Variants in KRT36 observed in about 807,000 individuals in gnomAD.
KRT36 encodes keratin, type I cuticular Ha6.
A neutral mutation model predicts 43.0 loss-of-function variants in KRT36; 41 were observed. That is an observed-to-expected ratio of 0.95 (90% CI 0.74 to 1.24). The LOEUF (loss-of-function observed/expected upper bound fraction) is 1.24, where lower values mean the gene tolerates loss of function less well. Ranked by LOEUF, KRT36 falls within the 50% of genes most tolerant of loss-of-function variation. The pLI, the probability that KRT36 is intolerant of heterozygous loss-of-function variation, is 0.00. For synonymous variants in KRT36, 277 were observed against 252.9 expected, an observed-to-expected ratio of 1.10 and a Z score of -0.90; for missense variants, 627 against 595.3, an observed-to-expected ratio of 1.05 and a Z score of -0.55.
intron 6 of KRT36, 74 bp downstream of exon 6, chr17:41,486,876 A>G: frequency 7.3e-7 from 1 of 1,369,344 alleles, no homozygotes; most frequent in Admixed American, 1.9e-5. Flanking sequence ...GGCGACAACC[A>G]CTTCTGGGCT....
chr17:41,486,655 C>T (rs756637076), intron 6 of KRT36, 84 bp from the exon 7 acceptor site: 11 of 1,127,614 alleles, frequency 9.8e-6, no homozygotes, highest in Non-Finnish European at 1.2e-5. Flanking sequence ...GAGGATCAAG[C>T]GAGACCGGTG....
rs764284774 is a variant in KRT36, at chr17:41,486,408, A to T, written c.1372T>A (p.Ser458Thr). 6.3e-7 allele frequency: 1 copy of T among 1,577,706 alleles called. No homozygotes were observed. The highest frequency in any genetic ancestry group is 8.7e-7 in the Non-Finnish European group (1 of 1,150,768). Residue 458 changes from serine to threonine, a missense_variant, in exon 7 of 7, where the codon TCC becomes ACC. By Grantham distance (58) the Ser-to-Thr change is moderately conservative. Coordinates refer to ENST00000328119, the MANE Select transcript of KRT36 (RefSeq NM_003771.5). ...GGGCGGGACTGCACGTGCTCCCTGG[A>T]GGAGATGACTTTCCCATCTCTGATC... The part of the protein sequence containing the change: ...EEIRDGKVIS[S>T]REHVQSRPL
chr17:41,488,573 AG>A (rs1379372441), intron 2 of KRT36, 68 bp downstream of exon 2: 2 of 1,535,212 alleles, frequency 1.3e-6, no homozygotes, highest in Non-Finnish European at 1.8e-6. Context: ...CCACATCACC[AG>A]CTCCCAAAGG....
chr17:41,486,831 A>AT, intron 6 of KRT36, 119 bp downstream of exon 6: 1 of 917,218 alleles, frequency 1.1e-6, no homozygotes, highest in Non-Finnish European at 1.6e-6. Flanking sequence ...TAAATGGAGA[A>AT]TCTCAAGGGG....
In KRT36 at chr17:41,488,718, G is replaced by GCAGGATCTGGGGAACAAGAGGCTTCC. The variant is rs748404189; in HGVS notation, c.460-20_465dup (p.Leu156GlyfsTer10). The GCAGGATCTGGGGAACAAGAGGCTTCC allele has an allele frequency of 6.2e-7, 1 of 1,614,062 alleles. No individual in the cohort carries two copies. Among genetic ancestry groups the GCAGGATCTGGGGAACAAGAGGCTTCC allele is most frequent in the Non-Finnish European group, 8.5e-7 (1 of 1,179,970 alleles). The stretch of plus-strand genomic sequence containing the variant: ...AGCCTGGCATTCTCAGACTTAGTCA[G>GCAGGATCTGGGGAACAAGAGGCTTCC]CAGGATCTGGGGAACAAGAGGCTTC... On this transcript the variant is annotated frameshift_variant, in exon 2 of 7. Transcript: ENST00000328119. LOFTEE classifies it high-confidence loss of function.
chr17:41,486,397 G>T lies in KRT36; in HGVS notation c.1383C>A (p.His461Gln), dbSNP rs142255355. 1.9e-6 allele frequency: 3 copies of T among 1,613,970 alleles called. No individual in the cohort carries two copies. Among genetic ancestry groups the T allele is most frequent in the South Asian group, 1.1e-5 (1 of 91,076 alleles). ...GCTGTCACAGCGGGCGGGACTGCACGTGCTCCCTGGAGGAGATGACTTTCC... is the reference window on the plus strand; with the variant it reads ...GCTGTCACAGCGGGCGGGACTGCACTTGCTCCCTGGAGGAGATGACTTTCC... ...RDGKVISSRE[H>Q]VQSRPL The change falls in exon 7 of 7, where the codon CAC becomes CAA. Residue 461 changes from histidine to glutamine, a missense_variant. His to Gln is a conservative substitution (Grantham distance 24, BLOSUM62 0). Coordinates refer to ENST00000328119, the MANE Select transcript of KRT36 (RefSeq NM_003771.5).
At chr17:41,489,196 G>A (rs1904491550) in intron 1 of KRT36, among the ~76,000 whole-genome samples, 1 of 152,152 alleles carries the variant, frequency 6.6e-6, no homozygotes, top group South Asian at 2.1e-4. Flanking sequence ...GCAAGGGGAG[G>A]GGGGTGAGGA....
Position 41,487,708 on chromosome 17 carries a change from C to T in KRT36, c.729G>A (p.Gly243=), listed in dbSNP as rs1329450293. 2 of 1,613,710 alleles carry T rather than the reference C, an allele frequency of 1.2e-6. No individual in the cohort carries two copies. Among genetic ancestry groups the T allele is most frequent in the Non-Finnish European group, 1.7e-6 (2 of 1,179,654 alleles). ...EEVSVLRCQL[G]DRLNVEVDAA... is the part of the protein sequence containing the mutation. ...CGTCCACCTCCACATTCAGTCGGTC[C>T]CCAAGTTGGCAACGGAGTACACTGA... Residue 243 remains glycine, a synonymous_variant, in exon 4 of 7, where the codon GGG becomes GGA. Transcript: ENST00000328119.
Position 41,489,418 on chromosome 17 carries a change from A to G in KRT36, c.447T>C (p.Asp149=). The G allele has an allele frequency of 6.2e-7, 1 of 1,613,028 alleles. No homozygotes were observed. Among genetic ancestry groups the G allele is most frequent in the Non-Finnish European group, 8.5e-7 (1 of 1,178,974 alleles). The change falls in exon 1 of 7, where the codon GAT becomes GAC. Residue 149 remains aspartate (D), a synonymous_variant. Transcript: ENST00000328119. ...AGGTCTCCCTCACCTTCTGCTGGAAATCTTCGATGGTCTTGAAGTAGGACT... is the reference window on the plus strand; with the variant it reads ...AGGTCTCCCTCACCTTCTGCTGGAAGTCTTCGATGGTCTTGAAGTAGGACT... ...DYQSYFKTIE[D]FQQKILLTKS...
Position 41,487,385 on chromosome 17 carries a change from G to C in KRT36, c.953C>G (p.Ala318Gly), listed in dbSNP as rs753905566. The C allele has an allele frequency of 1.2e-6, 2 of 1,613,068 alleles. No individual in the cohort carries two copies. Among genetic ancestry groups the C allele is most frequent in the Non-Finnish European group, 1.7e-6 (2 of 1,179,858 alleles). ...CTGAGCCTGCAGCTCAATCTCTAGCGCGTTGACCGTACGTCTCAGCTCGAT... is the reference window on the plus strand; with the variant it reads ...CTGAGCCTGCAGCTCAATCTCTAGCCCGTTGACCGTACGTCTCAGCTCGAT... ...EIIELRRTVN[A>G]LEIELQAQHS... The change falls in exon 5 of 7, where the codon GCG becomes GGG. Residue 318 changes from alanine (A) to glycine (G), a missense_variant. Ala to Gly is a moderately conservative substitution (Grantham distance 60). Coordinates refer to ENST00000328119, the MANE Select transcript of KRT36 (RefSeq NM_003771.5).
At position 41,486,229 on chromosome 17, in the gene KRT36, C is replaced by A; in HGVS notation, c.*147G>T. ...GTAAAAGCACAGTTAAGTCCGGAAA[C>A]ACAATACGGGGAGTGTTTTGGTAGA... On this transcript the variant is annotated 3_prime_UTR_variant, in exon 7 of 7. Transcript: ENST00000328119. 1 of 620,444 alleles carries A rather than the reference C, an allele frequency of 1.6e-6. No individual in the cohort carries two copies. The highest frequency in any genetic ancestry group is 2.9e-5 in the East Asian group (1 of 34,034). The allele number at this position is 620,444 out of a possible 1,614,324, so 38.4% of individuals were successfully genotyped here. A position where few individuals can be genotyped will look rare whatever the true frequency, so the allele number is the denominator to read the frequency against.
chr17:41,489,826 C>T lies in KRT36; in HGVS notation c.39G>A (p.Gly13=), dbSNP rs1209800504. The T allele has an allele frequency of 6.2e-7, 1 of 1,613,466 alleles. No homozygotes were observed. Among genetic ancestry groups the T allele is most frequent in the Admixed American group, 1.7e-5 (1 of 60,000 alleles). The change falls in exon 1 of 7, where the codon GGG becomes GGA. Residue 13 remains glycine, a synonymous_variant. Transcript: ENST00000328119. ...TQTCTPTFST[G]SIKGLCGTAG... Reference sequence around the variant, plus strand: ...CTGTGCCACAGAGGCCCTTGATAGACCCAGTGGAGAAGGTAGGGGTGCAGG... The same window carrying T: ...CTGTGCCACAGAGGCCCTTGATAGATCCAGTGGAGAAGGTAGGGGTGCAGG...
At chr17:41,486,610 G>C in intron 6 of KRT36, 39 bp from the exon 7 acceptor site, 1 of 1,455,494 alleles carries the variant, frequency 6.9e-7, no homozygotes, top group Non-Finnish European at 9.2e-7. Flanking sequence ...TTTGGCATCG[G>C]AGCACTGGGC....
rs771485812 is a variant in KRT36, at chr17:41,489,818, T to C, written c.47A>G (p.Lys16Arg). ...GCCGCCTGCTGTGCCACAGAGGCCCTTGATAGACCCAGTGGAGAAGGTAGG... is the reference window on the plus strand; with the variant it reads ...GCCGCCTGCTGTGCCACAGAGGCCCCTGATAGACCCAGTGGAGAAGGTAGG... ...CTPTFSTGSI[K>R]GLCGTAGGIS... The change falls in exon 1 of 7, where the codon AAG becomes AGG. Residue 16 changes from lysine (K) to arginine (R), a missense_variant. By Grantham distance (26) the Lys-to-Arg change is conservative (BLOSUM62 2). Transcript: ENST00000328119. The C allele has an allele frequency of 1.2e-6, 2 of 1,613,434 alleles. No homozygotes were observed. The highest frequency in any genetic ancestry group is 1.7e-6 in the Non-Finnish European group (2 of 1,179,912).
chr17:41,487,913 G>A (rs941567495), intron 3 of KRT36, among the ~76,000 whole-genome samples, 176 bp from the exon 4 acceptor site: 2 of 152,060 alleles, frequency 1.3e-5, no homozygotes, highest in Non-Finnish European at 2.9e-5. Context: ...TCCTTCTATG[G>A]GATATTTGTG....
At chr17:41,488,574 G>T in intron 2 of KRT36, 68 bp downstream of exon 2, 2 of 1,535,814 alleles carry the variant, frequency 1.3e-6, no homozygotes, top group Non-Finnish European at 9.0e-7. Context: ...CACATCACCA[G>T]CTCCCAAAGG....
At chr17:41,488,841 T>C in intron 1 of KRT36, 117 bp from the exon 2 acceptor site, 1 of 850,512 alleles carries the variant, frequency 1.2e-6, no homozygotes, top group Non-Finnish European at 2.0e-6. Flanking sequence ...CCTTCACCAT[T>C]TCCAGCCCTG....
chr17:41,486,572 C>T lies in KRT36; in HGVS notation c.1209-1G>A. The stretch of plus-strand genomic sequence containing the variant: ...CGTGGCACAAGGTTGGGGAGGAAGC[C>T]TGAGGAAACAAAATCATGCAGGGTG... On this transcript the variant is annotated splice_acceptor_variant, in intron 6 of 6. Transcript: ENST00000328119. LOFTEE classifies it high-confidence loss of function. 1 of 1,555,640 alleles carries T rather than the reference C, an allele frequency of 6.4e-7. No homozygotes were observed. Among genetic ancestry groups the T allele is most frequent in the Non-Finnish European group, 8.7e-7 (1 of 1,152,320 alleles).
At position 41,488,143 on chromosome 17, in the gene KRT36, G is replaced by A. The variant is rs576442893; in HGVS notation, c.699+100C>T. On this transcript the variant is annotated intron_variant, in intron 3 of 6. Coordinates refer to ENST00000328119, the MANE Select transcript of KRT36 (RefSeq NM_003771.5). ...GAAATGAAACGAGAATGAAATGCAA[G>A]GCCTTTGTATAGTTCCTGCCGCACA... 10 of 1,091,684 alleles carry A rather than the reference G, an allele frequency of 9.2e-6. No individual in the cohort carries two copies. The African/African-American group carries it at 1.3e-4, about 14-fold the overall frequency. 67.6% of individuals were successfully genotyped at this position (1,091,684 alleles called of 1,614,324 possible).
Sources: allele counts gnomAD v4.1 joint callset (sites outside exome capture counted in the v4.1 genomes callset), GRCh38; gene constraint gnomAD v4.1.1; transcripts MANE v1.5; gene names NCBI Gene and HGNC (gene_info 2026-07-23, HGNC 2026-07-21).